ZNF714: variants seen among roughly 807,000 people sequenced by gnomAD.
ZNF714 encodes zinc finger protein 714.
Under a neutral mutation model 46.2 loss-of-function variants are expected in ZNF714, and 32 were observed. That is an observed-to-expected ratio of 0.69 (90% CI 0.52 to 0.93). The LOEUF (loss-of-function observed/expected upper bound fraction) is 0.93, where lower values mean the gene tolerates loss of function less well. Among genes scored for constraint, ZNF714 ranks in the 40% least tolerant of loss-of-function variants. The pLI is 0.00. For synonymous variants in ZNF714, 199 were observed against 213.1 expected, an observed-to-expected ratio of 0.93 and a Z score of 0.58; for missense variants, 635 against 646.3, an observed-to-expected ratio of 0.98 and a Z score of 0.19.
In ZNF714 at chr19:21,098,260, A is replaced by T; in HGVS notation, c.-9A>T. ...GGAATGCCTGAACCCTGCTCAGCAG[A>T]ATTTATATATGAATGTGATGTTAGA... On this transcript the variant is annotated 5_prime_UTR_variant, in exon 3 of 5. Coordinates refer to ENST00000456283, the MANE Select transcript of ZNF714 (RefSeq NM_182515.4). 1.9e-6 allele frequency: 3 copies of T among 1,612,868 alleles called. No individual in the cohort carries two copies. Among genetic ancestry groups the T allele is most frequent in the Non-Finnish European group, 2.5e-6 (3 of 1,179,806 alleles).
In ZNF714 at chr19:21,119,248, C is replaced by G. The variant is rs544476842; in HGVS notation, c.*916C>G. On this transcript the variant is annotated 3_prime_UTR_variant, in exon 5 of 5. Transcript: ENST00000456283. ...TGAAACCCCATCTCTACTAAAAATA[C>G]AACAATTAGCCGGTTGCGGTGGTGG... is the stretch of plus-strand genomic sequence containing the variant. 1.5e-4 allele frequency: 50 copies of G among 329,010 alleles called. 1 individual carries two copies. The highest frequency in any genetic ancestry group is 8.4e-4 in the South Asian group (39 of 46,454). The allele number at this position is 329,010 out of a possible 1,614,324, so 20.4% of individuals were successfully genotyped here.
At chr19:21,115,344 C>T (rs1599554099) in intron 4 of ZNF714, among the ~76,000 whole-genome samples, 2 of 151,020 alleles carry the variant, frequency 1.3e-5, no homozygotes, top group African/African-American at 2.4e-5. Flanking sequence ...TGCATGTTTC[C>T]CTAGAAAATA....
chr19:21,118,451 C>CAAA lies in ZNF714; in HGVS notation c.*134_*136dup, dbSNP rs71176814. 0.027 allele frequency: 4,408 copies of CAAA among 165,184 alleles called. 215 individuals are homozygous for CAAA. The highest frequency in any genetic ancestry group is 0.13 in the African/African-American group (4,086 of 31,134). 10.2% of individuals were successfully genotyped at this position (165,184 alleles called of 1,614,324 possible). A position where few individuals can be genotyped will look rare whatever the true frequency, so the allele number is the denominator to read the frequency against. The stretch of plus-strand genomic sequence containing the variant: ...TGGGCCACAAGGCAAGACTCTGTCT[C>CAAA]AAAAAAAAAAAAAAAAAGAAAAGAA... On this transcript the variant is annotated 3_prime_UTR_variant, in exon 5 of 5. Coordinates refer to ENST00000456283, the MANE Select transcript of ZNF714 (RefSeq NM_182515.4).
rs140177481 is a variant in ZNF714, at chr19:21,113,789, C to T, written c.143-3018C>T. ...CCTCCCAAAGTGCTAGGGTTACAAGCGTGAGCCACCATGCCCAGCCATATG... is the reference window on the plus strand; with the variant it reads ...CCTCCCAAAGTGCTAGGGTTACAAGTGTGAGCCACCATGCCCAGCCATATG... On this transcript the variant is annotated intron_variant, in intron 4 of 4. Coordinates refer to ENST00000456283, the MANE Select transcript of ZNF714 (RefSeq NM_182515.4). Among the ~76,000 whole-genome samples the T allele has an allele frequency of 2.5e-3, 378 of 151,906 alleles. 10 individuals are homozygous for T. In the East Asian group the frequency reaches 0.064, roughly 26 times the overall value.
At chr19:21,111,168 A>G (rs529899289) in intron 4 of ZNF714, among the ~76,000 whole-genome samples, 2 of 152,280 alleles carry the variant, frequency 1.3e-5, no homozygotes, top group South Asian at 4.2e-4. Flanking sequence ...GAATCTATAA[A>G]TTACTTTGAG....
In ZNF714 at chr19:21,122,311, C is replaced by A. The variant is rs888595850; in HGVS notation, c.*3979C>A. On this transcript the variant is annotated 3_prime_UTR_variant, in exon 5 of 5. Coordinates refer to ENST00000456283, the MANE Select transcript of ZNF714 (RefSeq NM_182515.4). ...CAGTGGTGAAGAAATAAGATTGATT[C>A]TTCATATGGAGTGGACATTTTTTCC... 6.6e-6 allele frequency: 1 copy of A among 152,100 alleles called. No homozygotes were observed. The highest frequency in any genetic ancestry group is 6.6e-5 in the Admixed American group (1 of 15,260). The allele number at this position is 152,100 out of a possible 1,614,324, so 9.4% of individuals were successfully genotyped here. A position where few individuals can be genotyped will look rare whatever the true frequency, so the allele number is the denominator to read the frequency against.
chr19:21,103,235 C>T (rs1469359260), intron 4 of ZNF714, among the ~76,000 whole-genome samples: 1 of 150,076 alleles, frequency 6.7e-6, no homozygotes, highest in Non-Finnish European at 1.5e-5. Flanking sequence ...TTCCATTTTT[C>T]CTTTAGAAAA....
At chr19:21,097,117 C>T (rs868799202) in intron 2 of ZNF714, among the ~76,000 whole-genome samples, 3 of 152,132 alleles carry the variant, frequency 2.0e-5, no homozygotes, top group Admixed American at 6.6e-5. Flanking sequence ...CCGCCTGCCT[C>T]AGCCTCCCAA....
chr19:21,083,943 G>A, intron 1 of ZNF714, 35 bp from the exon 2 acceptor site: 1 of 1,169,882 alleles, frequency 8.5e-7, no homozygotes, highest in Admixed American at 3.0e-5. Flanking sequence ...AAAGTGCCTA[G>A]TGAATATCAG....
chr19:21,116,751 A>T, intron 4 of ZNF714, 56 bp from the exon 5 acceptor site: 1 of 1,515,400 alleles, frequency 6.6e-7, no homozygotes, highest in South Asian at 1.4e-5. Flanking sequence ...AGATTTGTAA[A>T]GTATGTTTAT....
chr19:21,117,957 C>G lies in ZNF714; in HGVS notation c.1293C>G (p.Gly431=), dbSNP rs1377165505. Residue 431 remains glycine, a synonymous_variant, in exon 5 of 5, where the codon GGC becomes GGG. Coordinates refer to ENST00000456283, the MANE Select transcript of ZNF714 (RefSeq NM_182515.4). ...GEKLYKCEEC[G]KAFNRSSNLT... Reference sequence around the variant, plus strand: ...AACTCTACAAATGTGAAGAATGTGGCAAAGCTTTTAACCGATCCTCAAACC... The same window carrying G: ...AACTCTACAAATGTGAAGAATGTGGGAAAGCTTTTAACCGATCCTCAAACC... 1 of 1,612,996 alleles carries G rather than the reference C, an allele frequency of 6.2e-7. No individual in the cohort carries two copies. Among genetic ancestry groups the G allele is most frequent in the Non-Finnish European group, 8.5e-7 (1 of 1,179,848 alleles).
At position 21,116,839 on chromosome 19, in the gene ZNF714, CCAGAGCAAGA is replaced by C. The variant is rs1969606146; in HGVS notation, c.178_187del (p.Glu60Ter). 6.2e-7 allele frequency: 1 copy of C among 1,606,554 alleles called. No homozygotes were observed. On this transcript the variant is annotated frameshift_variant, in exon 5 of 5. Transcript: ENST00000456283. LOFTEE classifies it high-confidence loss of function. ...TTCTTCTTTTACCAGAGACCTTTGG[CCAGAGCAAGA>C]CATAAAAGATTCTTTTCAACAAGTG...
chr19:21,120,946 T>C lies in ZNF714; in HGVS notation c.*2614T>C, dbSNP rs917634698. The C allele has an allele frequency of 6.6e-6, 1 of 152,206 alleles. No homozygotes were observed. Among genetic ancestry groups the C allele is most frequent in the Non-Finnish European group, 1.5e-5 (1 of 68,028 alleles). 9.4% of individuals were successfully genotyped at this position (152,206 alleles called of 1,614,324 possible). A position where few individuals can be genotyped will look rare whatever the true frequency, so the allele number is the denominator to read the frequency against. ...AGGAATACAATATATAATAGTAGCA[T>C]CAGGGTTAAGTGAGGCATCCTTCAC... On this transcript the variant is annotated 3_prime_UTR_variant, in exon 5 of 5. Transcript: ENST00000456283.
At chr19:21,095,927 C>T (rs1331280134) in intron 2 of ZNF714, among the ~76,000 whole-genome samples, 1 of 151,966 alleles carries the variant, frequency 6.6e-6, no homozygotes, top group Non-Finnish European at 1.5e-5. Context: ...CATGTAGATA[C>T]GTGTGGTAAG....
At chr19:21,104,106 TAC>T (rs1274394632) in intron 4 of ZNF714, among the ~76,000 whole-genome samples, 1 of 152,238 alleles carries the variant, frequency 6.6e-6, no homozygotes, top group Non-Finnish European at 1.5e-5. Context: ...AGTGGAATCA[TAC>T]AGTTTTTATC....
chr19:21,116,078 G>T (rs889545305), intron 4 of ZNF714, among the ~76,000 whole-genome samples: 1 of 151,880 alleles, frequency 6.6e-6, no homozygotes, highest in South Asian at 2.1e-4. Context: ...ATTAAATAAA[G>T]CTACCTGACA....
At chr19:21,111,631 T>G (rs1487793824) in intron 4 of ZNF714, among the ~76,000 whole-genome samples, 5 of 151,924 alleles carry the variant, frequency 3.3e-5, no homozygotes, top group African/African-American at 1.2e-4. Context: ...TAAATAGGAG[T>G]GGTGAGAGGG....
In ZNF714 at chr19:21,114,557, T is replaced by A. The variant is rs1341907636; in HGVS notation, c.143-2250T>A. 2.0e-5 allele frequency among the ~76,000 whole-genome samples: 3 copies of A among 152,106 alleles called. No homozygotes were observed. The South Asian group carries it at 6.2e-4, about 32-fold the overall frequency. ...CATTTGTCTTTTCATGCGAAGTGGG[T>A]CTCTTGAATACAGCACACAAATGGG... On this transcript the variant is annotated intron_variant, in intron 4 of 4. Coordinates refer to ENST00000456283, the MANE Select transcript of ZNF714 (RefSeq NM_182515.4).
chr19:21,098,143 A>G, intron 2 of ZNF714, 42 bp from the exon 3 acceptor site: 1 of 1,555,564 alleles, frequency 6.4e-7, no homozygotes, highest in African/African-American at 1.4e-5. Context: ...GCCCATGGCC[A>G]CTTGGTAAAT....
Sources: allele counts gnomAD v4.1 joint callset (sites outside exome capture counted in the v4.1 genomes callset), GRCh38; gene constraint gnomAD v4.1.1; transcripts MANE v1.5; gene names NCBI Gene and HGNC (gene_info 2026-07-23, HGNC 2026-07-21).